Variants in PHLPP2 observed in about 807,000 individuals in gnomAD.
The protein encoded by PHLPP2 is PH domain and leucine rich repeat protein phosphatase 2.
In PHLPP2, 66 loss-of-function variants were observed where a neutral mutation model predicts 124.9. That is an observed-to-expected ratio of 0.53 (90% CI 0.43 to 0.65). The LOEUF (loss-of-function observed/expected upper bound fraction) is 0.65, where lower values mean the gene tolerates loss of function less well. Ranked by LOEUF, PHLPP2 falls within the 30% of genes least tolerant of loss-of-function variation. The pLI is 0.00. For synonymous variants in PHLPP2, 681 were observed against 624.7 expected (o/e 1.09, Z -1.34); for missense variants, 1,685 against 1,600.4 (o/e 1.05, Z -0.90).
At chr16:71,685,683 T>G (rs1278899089) in intron 4 of PHLPP2, among the ~76,000 whole-genome samples, 1 of 152,234 alleles carries the variant, frequency 6.6e-6, no homozygotes, top group Non-Finnish European at 1.5e-5. Flanking sequence ...ATTATTGAAA[T>G]GAAGAATAGA....
chr16:71,659,303 G>A (rs2044769004), intron 13 of PHLPP2, among the ~76,000 whole-genome samples: 1 of 143,890 alleles, frequency 6.9e-6, no homozygotes, highest in South Asian at 2.2e-4. Flanking sequence ...CCAGGCTGGA[G>A]TGCAATGGCC....
intron 2 of PHLPP2, among the ~76,000 whole-genome samples, chr16:71,709,240 T>C (rs1395729649): frequency 6.6e-6 from 1 of 152,224 alleles, no homozygotes; most frequent in African/African-American, 2.4e-5. Context: ...AACAGGATGT[T>C]TCATTCCACC....
intron 1 of PHLPP2, among the ~76,000 whole-genome samples, chr16:71,720,129 C>G (rs2045389338): frequency 6.6e-6 from 1 of 151,752 alleles, no homozygotes; most frequent in South Asian, 2.1e-4. Context: ...ACCACCTCGC[C>G]TGGCTAATTT....
At chr16:71,709,008 G>A (rs753833539) in intron 2 of PHLPP2, among the ~76,000 whole-genome samples, 21 of 151,976 alleles carry the variant, frequency 1.4e-4, no homozygotes, top group Non-Finnish European at 1.3e-4. Context: ...AAAAAATTCT[G>A]CCAATTAAAC....
chr16:71,720,055 G>GC (rs1034730844), intron 1 of PHLPP2, among the ~76,000 whole-genome samples: 7 of 139,794 alleles, frequency 5.0e-5, no homozygotes, highest in African/African-American at 1.9e-4. Flanking sequence ...TGCAGGCTCC[G>GC]CCCCCCGGGG....
chr16:71,707,248 C>T (rs1321679442), intron 2 of PHLPP2, among the ~76,000 whole-genome samples: 1 of 152,022 alleles, frequency 6.6e-6, no homozygotes, highest in African/African-American at 2.4e-5. Context: ...AGCCACCGCG[C>T]CCGGCCAAGA....
chr16:71,676,039 C>CT (rs953821374), intron 9 of PHLPP2, among the ~76,000 whole-genome samples: 15 of 148,990 alleles, frequency 1.0e-4, no homozygotes, highest in East Asian at 3.9e-4. Flanking sequence ...CTCCTTTTGA[C>CT]TTTTTTTTTT....
In PHLPP2 at chr16:71,686,771, C is replaced by CT. The variant is rs545788678; in HGVS notation, c.610-2171dup. Among the ~76,000 whole-genome samples the CT allele has an allele frequency of 3.1e-3, 436 of 142,784 alleles. 2 individuals carry two copies. The highest frequency in any genetic ancestry group is 1.0e-2 in the South Asian group (45 of 4,502). 93.7% of individuals were successfully genotyped at this position (142,784 alleles called of 152,430 possible). ...TGTTCTTGTATCAGCAGTTCTTTCC[C>CT]TTTTTTTTTTTTCGCTTAGCAGTAT... On this transcript the variant is annotated intron_variant, in intron 4 of 18. Transcript: ENST00000568954.
At chr16:71,666,732 T>C (rs1294808038) in intron 12 of PHLPP2, among the ~76,000 whole-genome samples, 1 of 152,294 alleles carries the variant, frequency 6.6e-6, no homozygotes, top group Admixed American at 6.5e-5. Flanking sequence ...ACAAAAAGGT[T>C]TGCACATAAA....
intron 3 of PHLPP2, among the ~76,000 whole-genome samples, chr16:71,691,460 CAAATAAATAAATAAATAAATAAAT>C (rs57388026): frequency 6.1e-4 from 85 of 139,498 alleles, no homozygotes; most frequent in South Asian, 1.8e-3. Context: ...GACGCTGTCT[CAAATAAATAAATAAATAAATAAAT>C]AAATAAATAA....
At chr16:71,658,595 T>C (rs767497981) in intron 14 of PHLPP2, 58 bp downstream of exon 14, 94 of 1,504,946 alleles carry the variant, frequency 6.2e-5, no homozygotes, top group Middle Eastern at 1.7e-4. Flanking sequence ...GAAAATAATG[T>C]CATTCACTCT....
Position 71,667,252 on chromosome 16 carries a change from G to T in PHLPP2, c.1710C>A (p.Ile570=), listed in dbSNP as rs1327232096. Residue 570 remains isoleucine, a synonymous_variant, in exon 12 of 19, where the codon ATC becomes ATA. Coordinates refer to ENST00000568954, the MANE Select transcript of PHLPP2 (RefSeq NM_015020.3). ...GCTGAAGATCCAGCACCTCGAGGGG[G>T]ATGTGCTCTACCAGTGTTGGAAGGT... ...VQNLPTLVEH[I]PLEVLDLQHN... is the part of the protein sequence containing the mutation. The T allele has an allele frequency of 1.2e-6, 2 of 1,613,632 alleles. No homozygotes were observed. Among genetic ancestry groups the T allele is most frequent in the Non-Finnish European group, 1.7e-6 (2 of 1,179,648 alleles).
At chr16:71,717,771 G>C (rs1446240583) in intron 1 of PHLPP2, among the ~76,000 whole-genome samples, 1 of 152,064 alleles carries the variant, frequency 6.6e-6, no homozygotes, top group Admixed American at 6.5e-5. Context: ...ACTCAGTGGA[G>C]AAAAAAGAGT....
chr16:71,663,837 T>C lies in PHLPP2; in HGVS notation c.1985+62A>G, dbSNP rs973674731. 3.9e-6 allele frequency: 5 copies of C among 1,298,138 alleles called. No individual in the cohort carries two copies. The Admixed American group carries it at 5.3e-5, about 14-fold the overall frequency. 80.4% of individuals were successfully genotyped at this position (1,298,138 alleles called of 1,614,324 possible). On this transcript the variant is annotated intron_variant, in intron 13 of 18. Transcript: ENST00000568954. ...AGTCATAGTCAGATGGCTATATTTTTTCTGACAAATATAGAATTAATGTTG... is the reference window on the plus strand; with the variant it reads ...AGTCATAGTCAGATGGCTATATTTTCTCTGACAAATATAGAATTAATGTTG...
chr16:71,649,865 A>G lies in PHLPP2; in HGVS notation c.2997T>C (p.Ala999=). The G allele has an allele frequency of 1.2e-6, 2 of 1,614,242 alleles. No individual in the cohort carries two copies. Among genetic ancestry groups the G allele is most frequent in the Non-Finnish European group, 1.7e-6 (2 of 1,180,042 alleles). The change falls in exon 19 of 19, where the codon GCT becomes GCC. Residue 999 remains alanine, a synonymous_variant. Transcript: ENST00000568954. ...CTAATGGGTCTTGTACGTGACGTACAGCATTGACAGCTTCTGTGTAGGACA... is the reference window on the plus strand; with the variant it reads ...CTAATGGGTCTTGTACGTGACGTACGGCATTGACAGCTTCTGTGTAGGACA... The part of the protein sequence containing the change: ...EHLSYTEAVN[A]VRHVQDPLAA...
intron 2 of PHLPP2, among the ~76,000 whole-genome samples, chr16:71,707,294 A>G (rs1170476795): frequency 6.6e-6 from 1 of 152,184 alleles, no homozygotes. Flanking sequence ...TGAATAATAA[A>G]GAATACAGCT....
chr16:71,686,470 T>C (rs2045056246), intron 4 of PHLPP2, among the ~76,000 whole-genome samples: 1 of 152,048 alleles, frequency 6.6e-6, no homozygotes, highest in African/African-American at 2.4e-5. Flanking sequence ...CACTGTGCCA[T>C]GCCTGGCCTT....
intron 2 of PHLPP2, 21 bp from the exon 3 acceptor site, chr16:71,702,752 A>AT (rs1306721419): frequency 6.6e-7 from 1 of 1,519,490 alleles, no homozygotes; most frequent in Non-Finnish European, 8.9e-7. Flanking sequence ...AATTCAAAAA[A>AT]ATATATATAT....
In PHLPP2 at chr16:71,655,451, A is replaced by G. The variant is rs764422740; in HGVS notation, c.2391-17T>C. The G allele has an allele frequency of 3.8e-6, 6 of 1,563,692 alleles. No homozygotes were observed. In the African/African-American group the frequency reaches 6.8e-5, roughly 18 times the overall value. On this transcript the variant is annotated splice_polypyrimidine_tract_variant and intron_variant, in intron 16 of 18. Transcript: ENST00000568954. ...ACACACAGCCTATAATAGAAACATGAAAACAGAAAACAGAAAAGTTACTGG... is the reference window on the plus strand; with the variant it reads ...ACACACAGCCTATAATAGAAACATGGAAACAGAAAACAGAAAAGTTACTGG...
Sources: allele counts gnomAD v4.1 joint callset (sites outside exome capture counted in the v4.1 genomes callset), GRCh38; gene constraint gnomAD v4.1.1; transcripts MANE v1.5; gene names NCBI Gene and HGNC (gene_info 2026-07-23, HGNC 2026-07-21).